The following CLNK variants were observed in gnomAD, a reference collection of about 807,000 sequenced individuals.
The protein encoded by CLNK is cytokine dependent hematopoietic cell linker, also known as cytokine-dependent hematopoietic cell linker.
In CLNK, 74 loss-of-function variants were observed where a neutral mutation model predicts 68.6. The observed-to-expected ratio is 1.08, with a 90% CI of 0.89 to 1.31. The LOEUF (loss-of-function observed/expected upper bound fraction) is 1.31, where lower values mean the gene tolerates loss of function less well. CLNK is among the 50% of genes most tolerant of loss of function. The pLI is 0.00. For synonymous variants in CLNK, 198 were observed against 172.2 expected, an observed-to-expected ratio of 1.15 and a Z score of -1.17; for missense variants, 553 against 515.3, an observed-to-expected ratio of 1.07 and a Z score of -0.71.
chr4:10,734,633 ATCT>A, the CLNK span, among the ~76,000 whole-genome samples: 7 of 152,224 alleles, frequency 4.6e-5, no homozygotes, highest in African/African-American at 1.7e-4. Context: ...CATCACAAAA[ATCT>A]TCTTCGATGT....
At position 10,532,182 on chromosome 4, in the gene CLNK, G is replaced by T. The variant is rs778683197; in HGVS notation, c.630+74C>A. 6.6e-6 allele frequency: 7 copies of T among 1,060,908 alleles called. No individual in the cohort carries two copies. In the Admixed American group the frequency reaches 9.2e-5, roughly 14 times the overall value. 65.7% of individuals were successfully genotyped at this position (1,060,908 alleles called of 1,614,324 possible). On this transcript the variant is annotated intron_variant, in intron 12 of 18. Coordinates refer to ENST00000226951, the MANE Select transcript of CLNK (RefSeq NM_052964.4). ...TAAGTGTAAGTATCTGAAGCAAATA[G>T]AATCTTGCCTATTGCAGACATTTAA...
At chr4:10,502,781 T>C (rs781346310) in intron 17 of CLNK, among the ~76,000 whole-genome samples, 2 of 151,770 alleles carry the variant, frequency 1.3e-5, no homozygotes, top group Non-Finnish European at 2.9e-5. Context: ...TTGTAGCCTA[T>C]GTTGAGGTGA....
chr4:10,653,279 T>G (rs1723827596), intron 2 of CLNK, among the ~76,000 whole-genome samples: 1 of 152,030 alleles, frequency 6.6e-6, no homozygotes, highest in African/African-American at 2.4e-5. Flanking sequence ...CCATGGCATG[T>G]GTATACCTAT....
chr4:10,715,685 A>G, the CLNK span, among the ~76,000 whole-genome samples: 1 of 152,224 alleles, frequency 6.6e-6, no homozygotes, highest in Non-Finnish European at 1.5e-5. Flanking sequence ...TATAACTAAG[A>G]ATATTAAATT....
At chr4:10,583,590 T>C (rs1720867223) in intron 4 of CLNK, among the ~76,000 whole-genome samples, 1 of 152,212 alleles carries the variant, frequency 6.6e-6, no homozygotes, top group Non-Finnish European at 1.5e-5. Flanking sequence ...TGGTCTGGGC[T>C]GTTATTTTGA....
chr4:10,701,479 A>G, the CLNK span, among the ~76,000 whole-genome samples: 6 of 152,212 alleles, frequency 3.9e-5, no homozygotes, highest in Non-Finnish European at 7.3e-5. Flanking sequence ...GGGAGGAAAA[A>G]TAAAACGCAG....
intron 8 of CLNK, among the ~76,000 whole-genome samples, chr4:10,550,260 G>C (rs1163347869): frequency 6.6e-6 from 1 of 152,176 alleles, no homozygotes; most frequent in Admixed American, 6.5e-5. Flanking sequence ...TTGGGAGGCC[G>C]AGGCGGGCGG....
At chr4:10,644,996 G>A (rs751252447) in intron 2 of CLNK, among the ~76,000 whole-genome samples, 29 of 152,172 alleles carry the variant, frequency 1.9e-4, no homozygotes, top group Non-Finnish European at 3.4e-4. Flanking sequence ...GTAAGCATCC[G>A]GTGTCTTCCT....
intron 8 of CLNK, among the ~76,000 whole-genome samples, chr4:10,551,196 T>C (rs1258027509): frequency 6.6e-6 from 1 of 152,182 alleles, no homozygotes; most frequent in African/African-American, 2.4e-5. Flanking sequence ...ACTTCTGTAT[T>C]TGTTTTTCAC....
the CLNK span, among the ~76,000 whole-genome samples, chr4:10,721,800 C>T: frequency 6.6e-6 from 1 of 152,188 alleles, no homozygotes; most frequent in African/African-American, 2.4e-5. Context: ...ACACATTCAT[C>T]AAGCAAGTAC....
At chr4:10,555,853 G>A (rs527863123) in intron 8 of CLNK, among the ~76,000 whole-genome samples, 39 of 151,814 alleles carry the variant, frequency 2.6e-4, no homozygotes, top group Admixed American at 1.4e-3. Context: ...AATGGGGGGG[G>A]CATTCATATT....
intron 2 of CLNK, among the ~76,000 whole-genome samples, chr4:10,667,368 T>C (rs1724438425): frequency 9.2e-6 from 1 of 108,138 alleles, no homozygotes; most frequent in South Asian, 3.7e-4. Flanking sequence ...TTTTGAGTCC[T>C]GCTAATTTTT....
In CLNK at chr4:10,644,357, A is replaced by G. The variant is rs74970919; in HGVS notation, c.11+23502T>C. Among the ~76,000 whole-genome samples the G allele has an allele frequency of 3.3e-3, 510 of 152,332 alleles. 4 individuals carry two copies. Among genetic ancestry groups the G allele is most frequent in the African/African-American group, 0.012 (488 of 41,572 alleles). On this transcript the variant is annotated intron_variant, in intron 2 of 18. Transcript: ENST00000226951. ...ATAATAACTGACAACTGTTCTTTCT[A>G]GGTGTTTGGTTCTCTCCTACCACAT...
intron 7 of CLNK, among the ~76,000 whole-genome samples, chr4:10,559,722 T>C (rs1253688707): frequency 6.6e-6 from 1 of 152,182 alleles, no homozygotes; most frequent in Non-Finnish European, 1.5e-5. Context: ...GAATATTTCC[T>C]GTCCCTCCCC....
At chr4:10,606,257 T>A (rs1721782769) in intron 2 of CLNK, among the ~76,000 whole-genome samples, 1 of 152,184 alleles carries the variant, frequency 6.6e-6, no homozygotes, top group African/African-American at 2.4e-5. Context: ...CACCTTAGCC[T>A]AGGCCTGCAT....
chr4:10,528,342 A>ACG (rs1718404116), intron 12 of CLNK, among the ~76,000 whole-genome samples: 1 of 152,242 alleles, frequency 6.6e-6, no homozygotes, highest in African/African-American at 2.4e-5. Context: ...AATTGCTTTT[A>ACG]CGCTTTTAGA....
intron 2 of CLNK, among the ~76,000 whole-genome samples, chr4:10,617,257 T>C (rs1722272742): frequency 1.3e-5 from 2 of 152,194 alleles, no homozygotes; most frequent in South Asian, 4.1e-4. Flanking sequence ...GCTAATGTCT[T>C]CAATATTTGT....
At chr4:10,725,935 A>C in the CLNK span, among the ~76,000 whole-genome samples, 57,653 of 151,912 alleles carry the variant, frequency 0.38, 11,657 homozygotes, top group East Asian at 0.58. Flanking sequence ...TTTGCCAGGC[A>C]TGTTGTATCA....
At chr4:10,721,716 G>T in the CLNK span, among the ~76,000 whole-genome samples, 1,305 of 152,102 alleles carry the variant, frequency 8.6e-3, 13 homozygotes, top group Non-Finnish European at 0.013. Context: ...TGTATGTTAG[G>T]CGTTGTACTA....
Sources: allele counts gnomAD v4.1 joint callset (sites outside exome capture counted in the v4.1 genomes callset), GRCh38; gene constraint gnomAD v4.1.1; transcripts MANE v1.5; gene names NCBI Gene and HGNC (gene_info 2026-07-23, HGNC 2026-07-21).